The following MAGI1 variants were observed in gnomAD, a reference collection of about 807,000 sequenced individuals.
MAGI1 encodes membrane-associated guanylate kinase, WW and PDZ domain-containing protein 1.
MAGI1 carries 58 observed loss-of-function variants against 139.9 expected under a neutral mutation model. The observed-to-expected ratio is 0.41, with a 90% confidence interval of 0.34 to 0.52. The LOEUF is 0.52. MAGI1 is among the 20% of genes least tolerant of loss of function. The probability of loss-of-function intolerance (pLI) is 0.12; values close to 1 mark genes in which losing one functional copy is unlikely to be tolerated. For synonymous variants in MAGI1, 812 were observed against 737.9 expected, an observed-to-expected ratio of 1.10 and a Z score of -1.63; for missense variants, 1,874 against 1,901.6, an observed-to-expected ratio of 0.99 and a Z score of 0.27.
chr3:65,902,981 TC>T (rs1297988342), intron 1 of MAGI1, among the ~76,000 whole-genome samples: 1 of 152,208 alleles, frequency 6.6e-6, no homozygotes, highest in African/African-American at 2.4e-5. Context: ...GGTTCTCAGC[TC>T]AAAGTCTTTT....
intron 1 of MAGI1, among the ~76,000 whole-genome samples, chr3:65,937,693 G>GT (rs1163932358): frequency 6.6e-6 from 1 of 151,874 alleles, no homozygotes; most frequent in Non-Finnish European, 1.5e-5. Context: ...GTTTTTTGGG[G>GT]TTTTTTTAGT....
intron 1 of MAGI1, among the ~76,000 whole-genome samples, chr3:65,662,477 A>G (rs2086255004): frequency 6.6e-6 from 1 of 152,258 alleles, no homozygotes; most frequent in Middle Eastern, 3.2e-3. Flanking sequence ...GCCGCGTTCC[A>G]GTAAAACTGT....
chr3:65,586,623 C>G (rs893298530), intron 2 of MAGI1, among the ~76,000 whole-genome samples: 4 of 151,914 alleles, frequency 2.6e-5, no homozygotes, highest in Non-Finnish European at 5.9e-5. Flanking sequence ...CACAAAAATA[C>G]TAAATACACA....
intron 1 of MAGI1, among the ~76,000 whole-genome samples, chr3:65,854,552 C>T (rs1233808859): frequency 6.6e-6 from 1 of 152,188 alleles, no homozygotes. Context: ...TAAACAGCCA[C>T]CTTTTCTGAA....
At chr3:65,824,335 G>C (rs1056611429) in intron 1 of MAGI1, among the ~76,000 whole-genome samples, 1 of 152,206 alleles carries the variant, frequency 6.6e-6, no homozygotes, top group Admixed American at 6.5e-5. Flanking sequence ...CATCACATCT[G>C]GCCTGCTTTC....
intron 1 of MAGI1, among the ~76,000 whole-genome samples, chr3:65,766,306 T>C (rs1447485533): frequency 1.3e-5 from 2 of 152,174 alleles, no homozygotes; most frequent in Non-Finnish European, 2.9e-5. Context: ...GGAGTCCCAA[T>C]TCCTGGCCTG....
At chr3:65,855,192 A>G (rs1180028077) in intron 1 of MAGI1, among the ~76,000 whole-genome samples, 4 of 151,396 alleles carry the variant, frequency 2.6e-5, no homozygotes, top group Non-Finnish European at 5.9e-5. Flanking sequence ...AGATGCCATT[A>G]TAAGCAGGAA....
intron 1 of MAGI1, among the ~76,000 whole-genome samples, chr3:65,825,627 A>G (rs2042182173): frequency 6.6e-6 from 1 of 152,212 alleles, no homozygotes; most frequent in Non-Finnish European, 1.5e-5. Context: ...TAAAACACCT[A>G]AAAGGTAACA....
At chr3:65,866,351 CTT>C (rs60871707) in intron 1 of MAGI1, among the ~76,000 whole-genome samples, 83 of 133,182 alleles carry the variant, frequency 6.2e-4, no homozygotes, top group Admixed American at 9.1e-4. Flanking sequence ...GTGCCTACTT[CTT>C]TTTTTTTTTT....
At chr3:65,574,241 G>GTATA (rs35530951) in intron 2 of MAGI1, among the ~76,000 whole-genome samples, 2 of 148,572 alleles carry the variant, frequency 1.3e-5, no homozygotes, top group Non-Finnish European at 3.0e-5. Context: ...ATATATATAT[G>GTATA]TATATATATA....
intron 1 of MAGI1, among the ~76,000 whole-genome samples, chr3:66,023,763 G>C (rs1340755002): frequency 1.3e-5 from 2 of 152,188 alleles, no homozygotes; most frequent in Non-Finnish European, 2.9e-5. Context: ...TGTTGGTAAA[G>C]CTACACATTT....
chr3:65,780,111 AT>A (rs903267072), intron 1 of MAGI1, among the ~76,000 whole-genome samples: 3 of 151,972 alleles, frequency 2.0e-5, no homozygotes, highest in African/African-American at 7.2e-5. Context: ...CAGCCTGGAC[AT>A]TGTGGGCTCA....
At position 65,429,841 on chromosome 3, in the gene MAGI1, C is replaced by T. The variant is rs151058544; in HGVS notation, c.1846G>A (p.Val616Met). The change falls in exon 12 of 23, where the codon GTG (valine) becomes ATG (methionine). Residue 616 changes from valine to methionine, a missense_variant. Coordinates refer to ENST00000402939, the MANE Select transcript of MAGI1 (RefSeq NM_001033057.2). ...KDARPSSPAD[V>M]ASNSSHGYPN... ...TAACCATGAGAACTATTTGAAGCCACGTCCGCTGGGCTGCTTGGCCTGGCA... is the reference window on the plus strand; with the variant it reads ...TAACCATGAGAACTATTTGAAGCCATGTCCGCTGGGCTGCTTGGCCTGGCA... The T allele has an allele frequency of 1.5e-4, 243 of 1,613,994 alleles. 1 individual carries two copies. The African/African-American group carries it at 2.5e-3, about 17-fold the overall frequency.
chr3:65,769,205 C>T (rs1177742234), intron 1 of MAGI1, among the ~76,000 whole-genome samples: 1 of 152,044 alleles, frequency 6.6e-6, no homozygotes, highest in South Asian at 2.1e-4. Context: ...GTAGACAAAA[C>T]CAAATGATTA....
chr3:65,600,749 G>A (rs1267977529), intron 2 of MAGI1, among the ~76,000 whole-genome samples: 1 of 152,212 alleles, frequency 6.6e-6, no homozygotes, highest in Non-Finnish European at 1.5e-5. Context: ...AAATAACTGT[G>A]AGAAAAAGGC....
rs997373256 is a variant in MAGI1, at chr3:65,353,757, G to C, written c.*2621C>G. The C allele has an allele frequency of 6.6e-6, 1 of 152,130 alleles. No individual in the cohort carries two copies. The highest frequency in any genetic ancestry group is 6.5e-5 in the Admixed American group (1 of 15,282). The allele number at this position is 152,130 out of a possible 1,614,324, so 9.4% of individuals were successfully genotyped here. A position where few individuals can be genotyped will look rare whatever the true frequency, so the allele number is the denominator to read the frequency against. ...AGACATTTACATTAAGTGGGGGAGG[G>C]GGGCGGCGGGATTAAGGAAAGTAGG... On this transcript the variant is annotated 3_prime_UTR_variant, in exon 23 of 23. Coordinates refer to ENST00000402939, the MANE Select transcript of MAGI1 (RefSeq NM_001033057.2).
intron 1 of MAGI1, among the ~76,000 whole-genome samples, chr3:65,632,902 C>T (rs1236632211): frequency 6.6e-6 from 1 of 152,050 alleles, no homozygotes; most frequent in African/African-American, 2.4e-5. Flanking sequence ...GAGGGTGTTC[C>T]TTGTCTCCCA....
intron 1 of MAGI1, among the ~76,000 whole-genome samples, chr3:65,714,767 C>T (rs891550039): frequency 1.3e-5 from 2 of 152,122 alleles, no homozygotes; most frequent in African/African-American, 4.8e-5. Flanking sequence ...TTAAGGACAA[C>T]TCTTAAGTGC....
chr3:65,991,357 C>T (rs941484472), intron 1 of MAGI1, among the ~76,000 whole-genome samples: 1 of 146,432 alleles, frequency 6.8e-6, no homozygotes, highest in Non-Finnish European at 1.5e-5. Flanking sequence ...ATGAATATGG[C>T]AAAACTCATG....
Sources: gnomAD v4.1 joint callset for allele counts (sites outside exome capture counted in the v4.1 genomes callset) on GRCh38, gnomAD v4.1.1 for gene constraint, MANE v1.5 for transcripts, NCBI Gene and HGNC (gene_info 2026-07-23, HGNC 2026-07-21) for gene names.